Variants in ANK2 observed in about 807,000 individuals in gnomAD.
The protein encoded by ANK2 is ankyrin 2.
ANK2 carries 83 observed loss-of-function variants against 360.5 expected under a neutral mutation model. That is an observed-to-expected ratio of 0.23 (90% CI 0.19 to 0.28). ANK2 has a LOEUF of 0.28. ANK2 is among the 10% of genes least tolerant of loss of function. The probability of loss-of-function intolerance (pLI) is 1.00; values close to 1 mark genes in which losing one functional copy is unlikely to be tolerated. For synonymous variants in ANK2, 1,740 were observed against 1,759.5 expected (o/e 0.99, Z 0.28); for missense variants, 4,201 against 4,795.7 (o/e 0.88, Z 3.66).
chr4:112,816,777 G>A (rs558475976), upstream of ANK2, among the ~76,000 whole-genome samples: 3 of 152,328 alleles, frequency 2.0e-5, no homozygotes, highest in East Asian at 3.9e-4. Flanking sequence ...TTGGGAAGCC[G>A]AGGCAGGTGG....
chr4:113,104,297 A>G (rs1229812681), intron 1 of ANK2, among the ~76,000 whole-genome samples: 1 of 152,212 alleles, frequency 6.6e-6, no homozygotes, highest in East Asian at 1.9e-4. Flanking sequence ...GGTGAAAAAG[A>G]AAAGCAATTA....
chr4:112,765,651 C>T, the ANK2 span, among the ~76,000 whole-genome samples: 12 of 145,342 alleles, frequency 8.3e-5, no homozygotes, highest in African/African-American at 1.5e-4. Context: ...CAACTCCCCC[C>T]TCCCCCGCTT....
chr4:113,113,405 A>C (rs1183518233), intron 1 of ANK2, among the ~76,000 whole-genome samples: 1 of 152,152 alleles, frequency 6.6e-6, no homozygotes, highest in Admixed American at 6.5e-5. Flanking sequence ...CTGATGCCTG[A>C]TGTCTGCAGA....
chr4:112,741,621 G>A, the ANK2 span, among the ~76,000 whole-genome samples: 4 of 152,124 alleles, frequency 2.6e-5, no homozygotes, highest in Non-Finnish European at 4.4e-5. Context: ...CTTTTTGTTT[G>A]TTTTTCTTTC....
chr4:112,731,843 C>T, the ANK2 span, among the ~76,000 whole-genome samples: 1 of 152,158 alleles, frequency 6.6e-6, no homozygotes, highest in Non-Finnish European at 1.5e-5. Context: ...AGAGGAGTGC[C>T]TATGTGGCTG....
the ANK2 span, among the ~76,000 whole-genome samples, chr4:112,800,941 C>T: frequency 2.0e-5 from 3 of 152,286 alleles, no homozygotes; most frequent in African/African-American, 7.2e-5. Context: ...AGACAGGAGC[C>T]ACTGCACCCG....
At chr4:112,738,538 T>C in the ANK2 span, 2 of 385,838 alleles carry the variant, frequency 5.2e-6, no homozygotes. Context: ...AAGGGCTGTA[T>C]GCTGCAGGTA....
chr4:112,753,831 C>T, the ANK2 span, among the ~76,000 whole-genome samples: 2 of 152,252 alleles, frequency 1.3e-5, no homozygotes, highest in East Asian at 3.9e-4. Flanking sequence ...GGCATTGTGG[C>T]TCATCCCTGT....
At chr4:112,941,039 G>A (rs1264697180) in intron 2 of ANK2, among the ~76,000 whole-genome samples, 1 of 152,032 alleles carries the variant, frequency 6.6e-6, no homozygotes, top group Admixed American at 6.6e-5. Flanking sequence ...AAAATTGTGA[G>A]AAGAGTTTGG....
At chr4:112,791,912 A>G in the ANK2 span, among the ~76,000 whole-genome samples, 1,349 of 152,130 alleles carry the variant, frequency 8.9e-3, 8 homozygotes, top group Non-Finnish European at 0.014. Context: ...ATATATGTAT[A>G]TTGGTTCTTT....
chr4:113,246,466 C>G (rs1038024310), intron 9 of ANK2, among the ~76,000 whole-genome samples: 1 of 152,050 alleles, frequency 6.6e-6, no homozygotes, highest in Non-Finnish European at 1.5e-5. Context: ...TGAAAGACCT[C>G]ATTTCAATGT....
chr4:112,805,471 A>G, the ANK2 span, among the ~76,000 whole-genome samples: 1 of 152,102 alleles, frequency 6.6e-6, no homozygotes, highest in African/African-American at 2.4e-5. Context: ...TGATCTAGGC[A>G]CTGTCGTAAA....
chr4:112,709,383 A>T, the ANK2 span, among the ~76,000 whole-genome samples: 1 of 152,252 alleles, frequency 6.6e-6, no homozygotes, highest in Non-Finnish European at 1.5e-5. Flanking sequence ...AAGGACCCAT[A>T]TGACTCTTAT....
Position 112,908,976 on chromosome 4 carries a change from T to C in ANK2, c.21+4462T>C, listed in dbSNP as rs151041842. Among the ~76,000 whole-genome samples the C allele has an allele frequency of 4.0e-3, 605 of 152,270 alleles. 3 individuals carry two copies. The highest frequency in any genetic ancestry group is 0.013 in the African/African-American group (552 of 41,548). On this transcript the variant is annotated intron_variant, in intron 2 of 30. Coordinates refer to the ANK2 transcript ENST00000503271. ...ATAATTAAAAGGGTTAAATATGAAA[T>C]CATATGGACCAGATATAAAATTTTG...
intron 1 of ANK2, among the ~76,000 whole-genome samples, chr4:113,121,816 T>C (rs2095377162): frequency 2.0e-5 from 3 of 152,084 alleles, no homozygotes; most frequent in Non-Finnish European, 4.4e-5. Flanking sequence ...AGTTATTATC[T>C]TGGTGAGAAC....
rs374102010 is a variant in ANK2 at position 113,112,155 on chromosome 4, A to G, written c.85-62261A>G. Among the ~76,000 whole-genome samples the G allele has an allele frequency of 5.2e-4, 79 of 152,346 alleles. 1 individual carries two copies. Among genetic ancestry groups the G allele is most frequent in the African/African-American group, 1.7e-3 (72 of 41,582 alleles). The stretch of plus-strand genomic sequence containing the variant: ...AATCCCTAGGCTTTCAGTTTAAGAT[A>G]CTATTATAGTAAATTAAAAGAATGA... On this transcript the variant is annotated intron_variant, in intron 1 of 45. Transcript: ENST00000357077.
intron 1 of ANK2, among the ~76,000 whole-genome samples, chr4:113,086,276 G>T (rs1486502780): frequency 6.6e-6 from 1 of 152,218 alleles, no homozygotes; most frequent in East Asian, 1.9e-4. Flanking sequence ...GATTCCCCTT[G>T]TTTTTTGTAC....
At chr4:113,211,494 T>C (rs1321975700) in intron 4 of ANK2, among the ~76,000 whole-genome samples, 2 of 152,226 alleles carry the variant, frequency 1.3e-5, no homozygotes, top group East Asian at 1.9e-4. Context: ...GCATTGTGCA[T>C]TGTGTTTTGA....
chr4:113,281,827 G>A (rs987424871), intron 17 of ANK2, among the ~76,000 whole-genome samples: 7 of 151,938 alleles, frequency 4.6e-5, no homozygotes, highest in African/African-American at 1.7e-4. Context: ...ACAAACTCCC[G>A]CCCGAAATAA....
Sources: gnomAD v4.1 joint callset for allele counts (sites outside exome capture counted in the v4.1 genomes callset) on GRCh38, gnomAD v4.1.1 for gene constraint, MANE v1.5 for transcripts, NCBI Gene and HGNC (gene_info 2026-07-23, HGNC 2026-07-21) for gene names.